The following MYOM3 variants were observed in gnomAD, a reference collection of about 807,000 sequenced individuals.
The protein encoded by MYOM3 is myomesin 3.
In MYOM3, 155 loss-of-function variants were observed where a neutral mutation model predicts 191.7. That is an observed-to-expected ratio of 0.81 (90% CI 0.71 to 0.92). The LOEUF (loss-of-function observed/expected upper bound fraction) is 0.92, where lower values mean the gene tolerates loss of function less well. Ranked by LOEUF, MYOM3 falls within the 40% of genes least tolerant of loss-of-function variation. MYOM3 has a pLI of 0.00. For missense variants in MYOM3, 1,889 were observed against 1,890.6 expected (o/e 1.00, Z 0.02); for synonymous variants, 757 against 762.9 (o/e 0.99, Z 0.13).
At position 24,061,977 on chromosome 1, in the gene MYOM3, G is replaced by A; in HGVS notation, c.3903C>T (p.Val1301=). Residue 1301 remains valine, a synonymous_variant, in exon 33 of 37, where the codon GTC becomes GTT. Transcript: ENST00000374434. ...CTGAGAGATCTGTTGAGAGCTGCCG[G>A]ACTTCCTTCCCTGCAGCTATTTCCA... ...YTLEIAAGKE[V]RQLSTDLSGQ... is the part of the protein sequence containing the mutation. 1.2e-6 allele frequency: 2 copies of A among 1,614,210 alleles called. No homozygotes were observed. The highest frequency in any genetic ancestry group is 2.2e-5 in the South Asian group (2 of 91,086).
intron 36 of MYOM3, among the ~76,000 whole-genome samples, chr1:24,058,277 T>C (rs1486004644): frequency 1.3e-5 from 2 of 152,220 alleles, no homozygotes; most frequent in Admixed American, 1.3e-4. Context: ...TGCATAGGTT[T>C]ATGAATTAAA....
chr1:24,067,387 T>TTTCCTTCC lies in MYOM3; in HGVS notation c.3356-307_3356-300dup, dbSNP rs55795415. Among the ~76,000 whole-genome samples the TTTCCTTCC allele has an allele frequency of 4.8e-3, 302 of 63,056 alleles. 4 individuals carry two copies. Among genetic ancestry groups the TTTCCTTCC allele is most frequent in the South Asian group, 6.5e-3 (10 of 1,542 alleles). The allele number at this position is 63,056 out of a possible 152,430, so 41.4% of individuals were successfully genotyped here. ...TTCTTTCTTTCCTTCTTTCTTTCTTTTTCCTTCCTTCCTTCCTTCCTTCCT... is the reference window on the plus strand; with the variant it reads ...TTCTTTCTTTCCTTCTTTCTTTCTTTTTCCTTCCTTCCTTCCTTCCTTCCTTCCTTCCT... On this transcript the variant is annotated intron_variant, in intron 27 of 36. Coordinates refer to ENST00000374434, the MANE Select transcript of MYOM3 (RefSeq NM_152372.4).
At position 24,076,204 on chromosome 1, in the gene MYOM3, G is replaced by T. The variant is rs753472973; in HGVS notation, c.2656C>A (p.Gln886Lys). 6.2e-7 allele frequency: 1 copy of T among 1,614,172 alleles called. No homozygotes were observed. Among genetic ancestry groups the T allele is most frequent in the South Asian group, 1.1e-5 (1 of 91,084 alleles). The change falls in exon 21 of 37, where the codon CAA becomes AAA. Residue 886 changes from glutamine to lysine, a missense_variant. Physicochemically the swap from Gln to Lys is moderately conservative, Grantham distance 53. Transcript: ENST00000374434. Reference protein sequence around the residue: ...VQAMNSAGLGQPSMPTDPVLL... With the variant: ...VQAMNSAGLGKPSMPTDPVLL... ...ACGGGATCAGTGGGCATGGACGGTT[G>T]CCCCAGACCAGCTGAATTCATGGCC...
intron 4 of MYOM3, 94 bp downstream of exon 4, chr1:24,106,979 C>T (rs1220965126): frequency 2.3e-6 from 3 of 1,310,892 alleles, no homozygotes; most frequent in East Asian, 2.5e-5. Flanking sequence ...GGACTCTGCC[C>T]TGGATGTCCC....
chr1:24,065,765 G>A (rs1011055681), intron 29 of MYOM3, 126 bp downstream of exon 29: 2 of 761,960 alleles, frequency 2.6e-6, no homozygotes, highest in Non-Finnish European at 4.9e-6. Context: ...CTTAAATTTT[G>A]TGCTCAGGGC....
intron 5 of MYOM3, among the ~76,000 whole-genome samples, chr1:24,105,477 C>A (rs954953444): frequency 1.2e-4 from 19 of 152,230 alleles, no homozygotes; most frequent in Non-Finnish European, 2.1e-4. Context: ...TCATCCTCAA[C>A]CCTGGAGACG....
Position 24,080,052 on chromosome 1 carries a change from C to T in MYOM3, c.2550G>A (p.Pro850=), listed in dbSNP as rs372126376. 2.0e-4 allele frequency: 329 copies of T among 1,613,864 alleles called. No homozygotes were observed. The highest frequency in any genetic ancestry group is 2.6e-4 in the Non-Finnish European group (304 of 1,179,912). ...FQEEGSEQWK[P]VTPGPISGTH... The stretch of plus-strand genomic sequence containing the variant: ...TGCCAGAGATGGGGCCTGGGGTGAC[C>T]GGCTTCCACTGCTCAGAGCCTTCCT... Residue 850 remains proline, a synonymous_variant, in exon 20 of 37, where the codon CCG becomes CCA. Transcript: ENST00000374434.
chr1:24,099,074 A>C (rs375850045), intron 6 of MYOM3, among the ~76,000 whole-genome samples: 1 of 152,122 alleles, frequency 6.6e-6, no homozygotes, highest in African/African-American at 2.4e-5. Flanking sequence ...AGCTGATATG[A>C]ATGATGAGTG....
In MYOM3 at chr1:24,057,324, C is replaced by A. The variant is rs755693310; in HGVS notation, c.*40G>T. ...CCTGGTACAGGTTGTCCCTACTGGT[C>A]CATGTAGACTAGACTCAGACTGTGC... On this transcript the variant is annotated 3_prime_UTR_variant, in exon 37 of 37. Coordinates refer to ENST00000374434, the MANE Select transcript of MYOM3 (RefSeq NM_152372.4). 2.5e-6 allele frequency: 4 copies of A among 1,589,388 alleles called. No individual in the cohort carries two copies. The highest frequency in any genetic ancestry group is 2.3e-5 in the South Asian group (2 of 87,080).
intron 7 of MYOM3, among the ~76,000 whole-genome samples, chr1:24,097,195 G>A (rs1643882996): frequency 6.6e-6 from 1 of 152,200 alleles, no homozygotes; most frequent in African/African-American, 2.4e-5. Context: ...CTGGGGTTTG[G>A]CTTTTGTCCC....
chr1:24,076,916 G>A (rs1007263006), intron 20 of MYOM3, among the ~76,000 whole-genome samples: 4 of 151,868 alleles, frequency 2.6e-5, no homozygotes, highest in African/African-American at 7.3e-5. Flanking sequence ...CTGCTTCTCC[G>A]GTTCAAGTGA....
chr1:24,101,473 G>A (rs141478302), intron 5 of MYOM3, among the ~76,000 whole-genome samples: 1 of 152,314 alleles, frequency 6.6e-6, no homozygotes, highest in Non-Finnish European at 1.5e-5. Context: ...GAGGTCGTAT[G>A]TGGTGGCTCA....
At chr1:24,078,344 T>C (rs1175674499) in intron 20 of MYOM3, among the ~76,000 whole-genome samples, 1 of 152,160 alleles carries the variant, frequency 6.6e-6, no homozygotes. Flanking sequence ...CTCGAACTCC[T>C]GACCTCAGGA....
chr1:24,058,865 TG>T, intron 36 of MYOM3, 58 bp downstream of exon 36: 1 of 1,240,416 alleles, frequency 8.1e-7, no homozygotes, highest in Non-Finnish European at 1.2e-6. Context: ...TGATCTGTGG[TG>T]GATGCACGAA....
Position 24,065,987 on chromosome 1 carries a change from C to T in MYOM3, c.3438G>A (p.Lys1146=). 1 of 1,613,568 alleles carries T rather than the reference C, an allele frequency of 6.2e-7. No individual in the cohort carries two copies. Among genetic ancestry groups the T allele is most frequent in the East Asian group, 2.2e-5 (1 of 44,878 alleles). ...AGAACCACTGAAAGCGAGTCTCCTT[C>T]TTGGTGTTGGTCACCTGGGGAAGGT... ...VQLTCKVTNT[K]KETRFQWFFQ... Residue 1146 remains lysine (K), a synonymous_variant, in exon 29 of 37, where the codon AAG becomes AAA. Coordinates refer to ENST00000374434, the MANE Select transcript of MYOM3 (RefSeq NM_152372.4).
At chr1:24,078,073 C>A (rs1463331387) in intron 20 of MYOM3, among the ~76,000 whole-genome samples, 1 of 152,100 alleles carries the variant, frequency 6.6e-6, no homozygotes, top group Non-Finnish European at 1.5e-5. Flanking sequence ...CTGGCAGGCT[C>A]TCCCCCAGAG....
At chr1:24,060,651 G>A (rs1213028761) in intron 35 of MYOM3, among the ~76,000 whole-genome samples, 4 of 152,120 alleles carry the variant, frequency 2.6e-5, no homozygotes, top group Non-Finnish European at 4.4e-5. Flanking sequence ...CGGGTGGCCC[G>A]GAGGCCGTGC....
At chr1:24,060,823 T>C (rs773529790) in intron 35 of MYOM3, among the ~76,000 whole-genome samples, 6 of 152,158 alleles carry the variant, frequency 3.9e-5, no homozygotes, top group Non-Finnish European at 5.9e-5. Flanking sequence ...CCCACCAATG[T>C]AGTCCATGTG....
intron 12 of MYOM3, 125 bp from the exon 13 acceptor site, chr1:24,090,243 A>G (rs1643799950): frequency 1.3e-6 from 1 of 749,206 alleles, no homozygotes; most frequent in Non-Finnish European, 2.3e-6. Flanking sequence ...CTCGCTGTGC[A>G]ACCTCAGACA....
Sources: gnomAD v4.1 joint callset for allele counts (sites outside exome capture counted in the v4.1 genomes callset) on GRCh38, gnomAD v4.1.1 for gene constraint, MANE v1.5 for transcripts, NCBI Gene and HGNC (gene_info 2026-07-23, HGNC 2026-07-21) for gene names.